LRFN5: variants seen among roughly 807,000 people sequenced by gnomAD.
LRFN5 encodes the protein leucine rich repeat and fibronectin type III domain containing 5.
A neutral mutation model predicts 45.6 loss-of-function variants in LRFN5; 24 were observed. The ratio of observed to expected loss-of-function variants is 0.53; its 90% CI spans 0.38 to 0.74. The LOEUF (loss-of-function observed/expected upper bound fraction) is 0.74. LRFN5 is among the 30% of genes least tolerant of loss of function. LRFN5 has a pLI of 0.00. For synonymous variants in LRFN5, 340 were observed against 313.8 expected, an observed-to-expected ratio of 1.08 and a Z score of -0.88; for missense variants, 776 against 861.5, an observed-to-expected ratio of 0.90 and a Z score of 1.24.
intron 2 of LRFN5, among the ~76,000 whole-genome samples, chr14:41,815,394 G>T (rs751143006): frequency 3.3e-5 from 5 of 152,022 alleles, no homozygotes; most frequent in Non-Finnish European, 7.4e-5. Flanking sequence ...ATGATGTATG[G>T]ATCTCCACTT....
intron 2 of LRFN5, among the ~76,000 whole-genome samples, chr14:41,809,988 C>G (rs890984260): frequency 2.0e-5 from 3 of 151,900 alleles, no homozygotes; most frequent in Non-Finnish European, 4.4e-5. Context: ...GTGTGGATAG[C>G]AGAATAAGTC....
intron 2 of LRFN5, among the ~76,000 whole-genome samples, chr14:41,782,379 T>C (rs551188462): frequency 6.6e-6 from 1 of 152,282 alleles, no homozygotes; most frequent in Admixed American, 6.5e-5. Flanking sequence ...TTACTCTTTC[T>C]TTTGATTCTT....
chr14:41,771,715 C>A lies in LRFN5; in HGVS notation c.-21+4686C>A, dbSNP rs146083641. Among the ~76,000 whole-genome samples the A allele has an allele frequency of 6.0e-4, 92 of 152,176 alleles. 1 individual carries two copies. The East Asian group carries it at 0.014, about 24-fold the overall frequency. ...GAGACCTTGTCAGTGTGGTCTTCAC[C>A]ATCCATATCTCTGTCCGCATTTTGG... On this transcript the variant is annotated intron_variant, in intron 2 of 5. Coordinates refer to ENST00000298119, the MANE Select transcript of LRFN5 (RefSeq NM_152447.5).
intron 2 of LRFN5, among the ~76,000 whole-genome samples, chr14:41,809,387 T>C (rs146745380): frequency 6.6e-6 from 1 of 152,024 alleles, no homozygotes; most frequent in African/African-American, 2.4e-5. Context: ...ACTCTTTTAT[T>C]TTTTTTAATT....
intron 2 of LRFN5, among the ~76,000 whole-genome samples, chr14:41,821,312 AATTTT>A (rs1166110056): frequency 2.0e-5 from 3 of 151,618 alleles, no homozygotes; most frequent in Admixed American, 1.3e-4. Flanking sequence ...AAGTTTTTTA[AATTTT>A]ATTTAATTTT....
intron 1 of LRFN5, among the ~76,000 whole-genome samples, chr14:41,741,437 C>G (rs2138820946): frequency 6.6e-6 from 1 of 151,760 alleles, no homozygotes; most frequent in Admixed American, 6.7e-5. Context: ...AAGATAAACA[C>G]AATGAAGAAA....
intron 2 of LRFN5, among the ~76,000 whole-genome samples, chr14:41,768,229 A>G: frequency 6.6e-6 from 1 of 152,184 alleles, no homozygotes. Flanking sequence ...ATCATGATGT[A>G]TCTAATTATA....
intron 2 of LRFN5, among the ~76,000 whole-genome samples, chr14:41,789,330 A>G (rs913556898): frequency 6.6e-6 from 1 of 152,004 alleles, no homozygotes; most frequent in Non-Finnish European, 1.5e-5. Context: ...TAATTCCAGT[A>G]TATGGATAAT....
chr14:41,673,795 G>C (rs550723891), intron 1 of LRFN5, among the ~76,000 whole-genome samples: 20 of 147,704 alleles, frequency 1.4e-4, no homozygotes, highest in Non-Finnish European at 2.4e-4. Context: ...GGCCGGGCGG[G>C]GGGTGACCCC....
At chr14:41,659,506 A>G (rs1880535093) in intron 1 of LRFN5, among the ~76,000 whole-genome samples, 1 of 152,164 alleles carries the variant, frequency 6.6e-6, no homozygotes, top group Admixed American at 6.6e-5. Context: ...GTGCCACAAT[A>G]AACATATGGG....
At chr14:41,820,470 T>A (rs1422929896) in intron 2 of LRFN5, among the ~76,000 whole-genome samples, 1 of 152,110 alleles carries the variant, frequency 6.6e-6, no homozygotes, top group Non-Finnish European at 1.5e-5. Context: ...TATTGATCCA[T>A]GTGTCTATTT....
At chr14:41,663,456 G>C (rs1312750882) in intron 1 of LRFN5, among the ~76,000 whole-genome samples, 2 of 152,034 alleles carry the variant, frequency 1.3e-5, no homozygotes, top group African/African-American at 4.8e-5. Context: ...GGTGTTTACA[G>C]GGAAGTAAGT....
intron 2 of LRFN5, among the ~76,000 whole-genome samples, chr14:41,849,108 A>G (rs1889173842): frequency 6.6e-6 from 1 of 152,062 alleles, no homozygotes; most frequent in African/African-American, 2.4e-5. Context: ...CAGTATTAAG[A>G]AATGGTGGCA....
At chr14:41,697,657 T>G (rs925365612) in intron 1 of LRFN5, among the ~76,000 whole-genome samples, 1 of 130,256 alleles carries the variant, frequency 7.7e-6, no homozygotes, top group African/African-American at 3.1e-5. Flanking sequence ...TTCACTGCTC[T>G]TTTTTTTTTT....
At chr14:41,757,448 C>T (rs1244736688) in intron 1 of LRFN5, among the ~76,000 whole-genome samples, 1 of 152,072 alleles carries the variant, frequency 6.6e-6, no homozygotes, top group Non-Finnish European at 1.5e-5. Context: ...ACTCAAGCCT[C>T]AGCAATGGTG....
At chr14:41,868,933 C>T (rs893452407) in intron 2 of LRFN5, among the ~76,000 whole-genome samples, 1 of 152,112 alleles carries the variant, frequency 6.6e-6, no homozygotes, top group Non-Finnish European at 1.5e-5. Context: ...CAATCACTGG[C>T]AAATAAACAT....
In LRFN5 at chr14:41,607,713, C is replaced by T. The variant is rs1887550921; in HGVS notation, c.-1046C>T. On this transcript the variant is annotated 5_prime_UTR_variant, in exon 1 of 6. Coordinates refer to ENST00000298119, the MANE Select transcript of LRFN5 (RefSeq NM_152447.5). ...TGGAGCGGCTGCTGGGCTGTGGACC[C>T]AGGTGTGTGGATCGCTTTACCCAGA... The T allele has an allele frequency of 2.0e-5, 3 of 152,258 alleles. No homozygotes were observed. The highest frequency in any genetic ancestry group is 4.4e-5 in the Non-Finnish European group (3 of 68,142). 9.4% of individuals were successfully genotyped at this position (152,258 alleles called of 1,614,324 possible). A position where few individuals can be genotyped will look rare whatever the true frequency, so the allele number is the denominator to read the frequency against.
intron 1 of LRFN5, among the ~76,000 whole-genome samples, chr14:41,734,136 C>CT (rs1884303457): frequency 7.1e-6 from 1 of 140,168 alleles, no homozygotes; most frequent in Admixed American, 7.4e-5. Flanking sequence ...AGCAATTCTC[C>CT]CGCCTCAGCC....
chr14:41,726,066 C>T (rs1053285709), intron 1 of LRFN5, among the ~76,000 whole-genome samples: 1 of 151,994 alleles, frequency 6.6e-6, no homozygotes, highest in Non-Finnish European at 1.5e-5. Flanking sequence ...GTATCAAGTA[C>T]GATTGATGAT....
Sources: gnomAD v4.1 joint callset for allele counts (sites outside exome capture counted in the v4.1 genomes callset) on GRCh38, gnomAD v4.1.1 for gene constraint, MANE v1.5 for transcripts, NCBI Gene and HGNC (gene_info 2026-07-23, HGNC 2026-07-21) for gene names.